Variants in NEXMIF observed in about 807,000 individuals in gnomAD.
NEXMIF encodes the protein XLMR protein related to neurite extension.
NEXMIF carries 8 observed loss-of-function variants against 62.1 expected under a neutral mutation model. That is an observed-to-expected ratio of 0.13 (90% CI 0.08 to 0.23). NEXMIF has a LOEUF of 0.23. Among genes scored for constraint, NEXMIF ranks in the 10% least tolerant of loss-of-function variants. The pLI, the probability that NEXMIF is intolerant of heterozygous loss-of-function variation, is 1.00. For missense variants in NEXMIF, 976 were observed against 1,113.3 expected (o/e 0.88, Z 1.75); for synonymous variants, 404 against 416.6 (o/e 0.97, Z 0.37).
intron 1 of NEXMIF, among the ~76,000 whole-genome samples, chrX:74,794,635 G>A (rs1304986331): frequency 8.9e-6 from 1 of 112,053 alleles, no homozygotes; most frequent in Non-Finnish European, 1.9e-5. Context: ...GAGACTCTGT[G>A]GGCATAGGAC....
chrX:74,908,298 G>A (rs1000180090), intron 1 of NEXMIF, among the ~76,000 whole-genome samples: 1 of 112,243 alleles, frequency 8.9e-6, no homozygotes, highest in Non-Finnish European at 1.9e-5. Context: ...TCTGAGGCAG[G>A]CCTGTGGATT....
intron 1 of NEXMIF, among the ~76,000 whole-genome samples, chrX:74,885,916 C>G (rs182772433): frequency 9.0e-6 from 1 of 111,729 alleles, no homozygotes; most frequent in African/African-American, 3.3e-5. Flanking sequence ...ACTGGAAAAC[C>G]AAATCCAGCA....
intron 1 of NEXMIF, among the ~76,000 whole-genome samples, chrX:74,783,535 A>C (rs2080252367): frequency 8.9e-6 from 1 of 111,885 alleles, no homozygotes. Context: ...AAAGTCTCAG[A>C]TAGGGCTCAA....
chrX:74,769,191 C>A (rs1237313820), intron 1 of NEXMIF, among the ~76,000 whole-genome samples: 1 of 110,449 alleles, frequency 9.1e-6, no homozygotes, highest in Non-Finnish European at 1.9e-5. Flanking sequence ...GCCCTTAGCA[C>A]CTTGGCACCA....
At chrX:74,882,604 C>A (rs1288968020) in intron 1 of NEXMIF, among the ~76,000 whole-genome samples, 1 of 111,478 alleles carries the variant, frequency 9.0e-6, no homozygotes, top group Non-Finnish European at 1.9e-5. Context: ...GGGGGAGGGG[C>A]GCCCACCATT....
chrX:74,766,765 G>A (rs2080196015), intron 1 of NEXMIF, among the ~76,000 whole-genome samples: 1 of 112,173 alleles, frequency 8.9e-6, no homozygotes, highest in Non-Finnish European at 1.9e-5. Context: ...CCTTGTTGGA[G>A]AACTAGTGTG....
chrX:74,830,296 T>C (rs1338412450), intron 1 of NEXMIF, among the ~76,000 whole-genome samples: 10 of 112,139 alleles, frequency 8.9e-5, no homozygotes, highest in African/African-American at 2.9e-4. Flanking sequence ...GCACCATTCA[T>C]TGAAAAGACA....
chrX:74,917,179 T>TG (rs2080810074), intron 1 of NEXMIF, among the ~76,000 whole-genome samples: 1 of 111,841 alleles, frequency 8.9e-6, no homozygotes, highest in Non-Finnish European at 1.9e-5. Context: ...AGTTGGGTCA[T>TG]GGGGGGCAGA....
At chrX:74,811,268 A>G (rs1437508347) in intron 1 of NEXMIF, among the ~76,000 whole-genome samples, 2 of 111,941 alleles carry the variant, frequency 1.8e-5, no homozygotes, top group Non-Finnish European at 3.8e-5. Flanking sequence ...AAGGTCTTCT[A>G]AGATAAGGCT....
chrX:74,844,796 A>G (rs1481563980), intron 1 of NEXMIF, among the ~76,000 whole-genome samples: 1 of 112,653 alleles, frequency 8.9e-6, no homozygotes, highest in African/African-American at 3.2e-5. Flanking sequence ...CAATAATTCA[A>G]CAAGCATTTT....
At chrX:74,787,557 G>A (rs1454581613) in intron 1 of NEXMIF, among the ~76,000 whole-genome samples, 1 of 111,923 alleles carries the variant, frequency 8.9e-6, no homozygotes, top group Non-Finnish European at 1.9e-5. Context: ...TCACATGACA[G>A]ATGCCAAGGA....
intron 1 of NEXMIF, among the ~76,000 whole-genome samples, chrX:74,750,584 C>G (rs1449267780): frequency 8.9e-6 from 1 of 111,987 alleles, no homozygotes; most frequent in South Asian, 3.7e-4. Context: ...GTTTTCCAAG[C>G]TAGCCCAGCT....
chrX:74,774,145 A>G, intron 1 of NEXMIF, among the ~76,000 whole-genome samples: 1 of 111,062 alleles, frequency 9.0e-6, no homozygotes, highest in Non-Finnish European at 1.9e-5. Context: ...TAAGGAATTT[A>G]TAAGTGAATA....
chrX:74,736,510 T>C lies in NEXMIF; in HGVS notation c.*2895A>G, dbSNP rs922675913. 18 of 111,200 alleles carry C rather than the reference T, an allele frequency of 1.6e-4. No homozygotes were observed. The highest frequency in any genetic ancestry group is 5.6e-4 in the African/African-American group (17 of 30,458). The allele number at this position is 111,200 out of a possible 1,213,427, so 9.2% of individuals were successfully genotyped here. Reference sequence around the variant, plus strand: ...CAGGAATTTCAGACCAAGGATAATATATATTTCTGACTTGAGATACCAGTG... The same window carrying C: ...CAGGAATTTCAGACCAAGGATAATACATATTTCTGACTTGAGATACCAGTG... On this transcript the variant is annotated 3_prime_UTR_variant, in exon 4 of 4. Transcript: ENST00000055682.
intron 1 of NEXMIF, among the ~76,000 whole-genome samples, chrX:74,924,180 G>A (rs1017841778): frequency 2.7e-5 from 3 of 111,530 alleles, no homozygotes; most frequent in African/African-American, 6.5e-5. Flanking sequence ...CGCCCTACAG[G>A]GTGTACAAGA....
rs759866336 is a variant in NEXMIF, at chrX:74,740,586, G to A, written c.3971C>T (p.Ala1324Val). The A allele has an allele frequency of 1.7e-6, 2 of 1,211,998 alleles. No homozygotes were observed. Among genetic ancestry groups the A allele is most frequent in the Admixed American group, 2.2e-5 (1 of 46,098 alleles). ...TCTCTGCACATCTGCCATACCAGAG[G>A]CAATGTTGGACAAGATATAGGAAGG... ...QEPSYILSNI[A>V]SGMADVQRFM... The change falls in exon 3 of 4, where the codon GCC becomes GTC. Residue 1324 changes from alanine to valine, a missense_variant. By Grantham distance (64) the Ala-to-Val change is moderately conservative. This residue lies in a region of NEXMIF where 29 missense variants were observed against 56.5 expected (regional missense o/e 0.51). Transcript: ENST00000055682.
At chrX:74,875,961 AT>A (rs756916391) in intron 1 of NEXMIF, among the ~76,000 whole-genome samples, 2 of 110,848 alleles carry the variant, frequency 1.8e-5, no homozygotes, top group African/African-American at 3.3e-5. Flanking sequence ...AGATTCATTA[AT>A]TTTTTGAAGG....
At position 74,741,442 on chromosome X, in the gene NEXMIF, T is replaced by C; in HGVS notation, c.3115A>G (p.Ser1039Gly). 1 of 1,211,842 alleles carries C rather than the reference T, an allele frequency of 8.3e-7. No individual in the cohort carries two copies. The highest frequency in any genetic ancestry group is 3.0e-5 in the East Asian group (1 of 33,823). ...HCSPKLVIQQ[S>G]IDEIAPLKES... ...TTTAGTGGTGCTATCTCATCAATGC[T>C]TTGCTGGATCACCAGCTTAGGGCTG... The change falls in exon 3 of 4, where the codon AGC becomes GGC. Residue 1039 changes from serine to glycine, a missense_variant. This residue lies in a region of NEXMIF where 639 missense variants were observed against 694.5 expected (regional missense o/e 0.92). Transcript: ENST00000055682.
intron 1 of NEXMIF, among the ~76,000 whole-genome samples, chrX:74,831,620 T>C (rs965271311): frequency 5.4e-5 from 6 of 110,796 alleles, no homozygotes; most frequent in African/African-American, 2.0e-4. Flanking sequence ...TGGTTCCAAG[T>C]CTTTGCTATT....
Sources: allele counts gnomAD v4.1 joint callset (sites outside exome capture counted in the v4.1 genomes callset), GRCh38; gene constraint gnomAD v4.1.1; regional missense constraint gnomAD v4.1.1; transcripts MANE v1.5; gene names NCBI Gene and HGNC (gene_info 2026-07-23, HGNC 2026-07-21).